The following SLC24A3 variants were observed in gnomAD, a reference collection of about 807,000 sequenced individuals.
SLC24A3 encodes the protein solute carrier family 24 member 3.
SLC24A3 carries 28 observed loss-of-function variants against 75.8 expected under a neutral mutation model. The ratio of observed to expected loss-of-function variants is 0.37; its 90% CI spans 0.27 to 0.51. SLC24A3 has a LOEUF of 0.51. SLC24A3 is among the 20% of genes least tolerant of loss of function. The probability of loss-of-function intolerance (pLI) is 0.94; values close to 1 mark genes in which losing one functional copy is unlikely to be tolerated. For synonymous variants in SLC24A3, 372 were observed against 334.1 expected, an observed-to-expected ratio of 1.11 and a Z score of -1.24; for missense variants, 663 against 847.8, an observed-to-expected ratio of 0.78 and a Z score of 2.71.
intron 2 of SLC24A3, among the ~76,000 whole-genome samples, chr20:19,514,401 C>G (rs1818055776): frequency 6.6e-6 from 1 of 152,250 alleles, no homozygotes. Flanking sequence ...CAGGTATCAT[C>G]TAGCATATCC....
intron 2 of SLC24A3, among the ~76,000 whole-genome samples, chr20:19,392,464 C>T (rs1279216916): frequency 1.3e-5 from 2 of 152,182 alleles, no homozygotes; most frequent in Non-Finnish European, 2.9e-5. Flanking sequence ...CAGCATAGCT[C>T]CCAGGGCTGG....
intron 2 of SLC24A3, among the ~76,000 whole-genome samples, chr20:19,472,214 A>C (rs577094053): frequency 3.2e-4 from 48 of 152,372 alleles, no homozygotes; most frequent in Middle Eastern, 3.4e-3. Flanking sequence ...TTTTAAATAG[A>C]TCCTTCACTT....
rs191137518 is a variant in SLC24A3, at chr20:19,263,236, G to A, written c.143-17723G>A. Among the ~76,000 whole-genome samples, 1,150 of 152,232 alleles carry A rather than the reference G, an allele frequency of 7.6e-3. 3 individuals are homozygous for A. The highest frequency in any genetic ancestry group is 0.012 in the Non-Finnish European group (829 of 68,014). ...CATTGAGAAGGGAACAGTCTCATGTGGCTTTGGAGAGAGAATGTGGGCTGG... is the reference window on the plus strand; with the variant it reads ...CATTGAGAAGGGAACAGTCTCATGTAGCTTTGGAGAGAGAATGTGGGCTGG... On this transcript the variant is annotated intron_variant, in intron 1 of 16. Coordinates refer to ENST00000328041, the MANE Select transcript of SLC24A3 (RefSeq NM_020689.4).
intron 3 of SLC24A3, among the ~76,000 whole-genome samples, chr20:19,570,553 C>G (rs1157991192): frequency 2.0e-5 from 3 of 152,140 alleles, no homozygotes; most frequent in Non-Finnish European, 4.4e-5. Context: ...CCCATTTTAT[C>G]TGCATTTTCT....
At chr20:19,352,675 A>C (rs1166588473) in intron 2 of SLC24A3, among the ~76,000 whole-genome samples, 1 of 152,138 alleles carries the variant, frequency 6.6e-6, no homozygotes, top group Non-Finnish European at 1.5e-5. Context: ...TCCGCATTGA[A>C]CCTTAAGGTT....
rs2033102318 is a variant in SLC24A3 at position 19,721,248 on chromosome 20, G to A, written c.*108G>A. Reference sequence around the variant, plus strand: ...CGGGGCCACGGCGTTCGTCTCTCCTGTGCTGTCCTCAGGCCTCCGCTCCTG... The same window carrying A: ...CGGGGCCACGGCGTTCGTCTCTCCTATGCTGTCCTCAGGCCTCCGCTCCTG... On this transcript the variant is annotated 3_prime_UTR_variant, in exon 17 of 17. Coordinates refer to ENST00000328041, the MANE Select transcript of SLC24A3 (RefSeq NM_020689.4). The A allele has an allele frequency of 2.8e-6, 4 of 1,432,456 alleles. No homozygotes were observed. Among genetic ancestry groups the A allele is most frequent in the Non-Finnish European group, 3.8e-6 (4 of 1,055,734 alleles). The allele number at this position is 1,432,456 out of a possible 1,614,324, so 88.7% of individuals were successfully genotyped here.
At chr20:19,331,595 A>G (rs1985002063) in intron 2 of SLC24A3, among the ~76,000 whole-genome samples, 1 of 152,222 alleles carries the variant, frequency 6.6e-6, no homozygotes, top group South Asian at 2.1e-4. Context: ...TAATTTTTCT[A>G]CAAGTTTGAA....
At chr20:19,217,798 G>A (rs1315241960) in intron 1 of SLC24A3, among the ~76,000 whole-genome samples, 3 of 152,038 alleles carry the variant, frequency 2.0e-5, no homozygotes, top group African/African-American at 4.8e-5. Flanking sequence ...GATTCCTGGC[G>A]CTTGCTGGTC....
At chr20:19,435,413 G>T (rs966984040) in intron 2 of SLC24A3, among the ~76,000 whole-genome samples, 1 of 152,212 alleles carries the variant, frequency 6.6e-6, no homozygotes, top group Non-Finnish European at 1.5e-5. Context: ...GACATTCGTT[G>T]TCACCACTTA....
intron 7 of SLC24A3, among the ~76,000 whole-genome samples, chr20:19,662,606 C>T (rs1381924720): frequency 1.3e-5 from 2 of 152,208 alleles, no homozygotes; most frequent in African/African-American, 2.4e-5. Flanking sequence ...GCAGGAACTG[C>T]GGGTGCAACT....
At chr20:19,699,943 C>G (rs941185505) in intron 15 of SLC24A3, among the ~76,000 whole-genome samples, 1 of 152,112 alleles carries the variant, frequency 6.6e-6, no homozygotes, top group African/African-American at 2.4e-5. Flanking sequence ...GGGAAATGAT[C>G]GTGACAAATT....
At chr20:19,585,323 C>A in intron 5 of SLC24A3, 118 bp from the exon 6 acceptor site, 1 of 994,718 alleles carries the variant, frequency 1.0e-6, no homozygotes, top group Non-Finnish European at 1.5e-6. Context: ...TCTCTCCACC[C>A]CTCAGCTGTT....
intron 1 of SLC24A3, among the ~76,000 whole-genome samples, chr20:19,238,252 T>C (rs1020482345): frequency 1.3e-5 from 2 of 152,192 alleles, no homozygotes; most frequent in Non-Finnish European, 2.9e-5. Context: ...GTTTGTCATC[T>C]GTGTGTCTGT....
chr20:19,495,564 A>T (rs980451795), intron 2 of SLC24A3, among the ~76,000 whole-genome samples: 1 of 152,194 alleles, frequency 6.6e-6, no homozygotes. Flanking sequence ...GGCTGATTTC[A>T]TTCGTTGTAT....
chr20:19,224,779 G>C (rs1004113326), intron 1 of SLC24A3, among the ~76,000 whole-genome samples: 4 of 152,112 alleles, frequency 2.6e-5, no homozygotes, highest in South Asian at 2.1e-4. Flanking sequence ...ATTGGGGCTG[G>C]AACCCAGGCT....
intron 15 of SLC24A3, among the ~76,000 whole-genome samples, chr20:19,710,454 CAACT>C (rs1467579452): frequency 2.0e-5 from 3 of 152,224 alleles, no homozygotes; most frequent in Non-Finnish European, 4.4e-5. Flanking sequence ...TCCTCCACAA[CAACT>C]GCCAAGAGGG....
chr20:19,280,874 C>T, intron 1 of SLC24A3, 85 bp from the exon 2 acceptor site: 1 of 1,508,650 alleles, frequency 6.6e-7, no homozygotes, highest in South Asian at 1.3e-5. Flanking sequence ...CAAGTGATGG[C>T]TGATCAGGGC....
chr20:19,543,683 TAGGATGAAAACAG>T, intron 3 of SLC24A3, among the ~76,000 whole-genome samples: 1 of 152,320 alleles, frequency 6.6e-6, no homozygotes, highest in African/African-American at 2.4e-5. Context: ...TCTTGGGCTC[TAGGATGAAAACAG>T]TCACCATGCT....
At chr20:19,482,719 A>G (rs1386233810) in intron 2 of SLC24A3, among the ~76,000 whole-genome samples, 1 of 152,228 alleles carries the variant, frequency 6.6e-6, no homozygotes, top group Non-Finnish European at 1.5e-5. Context: ...CTGTGAGGAC[A>G]GAACCTATAC....
Sources: allele counts gnomAD v4.1 joint callset (sites outside exome capture counted in the v4.1 genomes callset), GRCh38; gene constraint gnomAD v4.1.1; transcripts MANE v1.5; gene names NCBI Gene and HGNC (gene_info 2026-07-23, HGNC 2026-07-21).